Variants in PCM1 observed in about 807,000 individuals in gnomAD.
PCM1 encodes pericentriolar material 1.
PCM1 carries 157 observed loss-of-function variants against 241.9 expected under a neutral mutation model. That is an observed-to-expected ratio of 0.65 (90% CI 0.57 to 0.74). PCM1 has a LOEUF of 0.74. PCM1 is among the 30% of genes least tolerant of loss of function. The probability of loss-of-function intolerance (pLI) is 0.00; values close to 1 mark genes in which losing one functional copy is unlikely to be tolerated. For missense variants in PCM1, 3,478 were observed against 2,360.1 expected (o/e 1.47, Z -9.81); for synonymous variants, 1,085 against 784.9 (o/e 1.38, Z -6.39).
Position 17,964,552 on chromosome 8 carries a change from G to A in PCM1, c.2655-16G>A. On this transcript the variant is annotated splice_polypyrimidine_tract_variant and intron_variant, in intron 17 of 38. Coordinates refer to ENST00000325083, the MANE Select transcript of PCM1 (RefSeq NM_006197.4). ...ATCTCCAGAATGACATCTGTTTTAT[G>A]TCTCTTAATCACTAGAACGATGGCA... is the stretch of plus-strand genomic sequence containing the variant. The A allele has an allele frequency of 6.3e-7, 1 of 1,598,432 alleles. No homozygotes were observed. The highest frequency in any genetic ancestry group is 8.6e-7 in the Non-Finnish European group (1 of 1,169,230).
intron 2 of PCM1, chr8:17,926,381 T>C (rs749953011): frequency 1.3e-5 from 2 of 152,202 alleles, no homozygotes; most frequent in Non-Finnish European, 2.9e-5. Flanking sequence ...ATCAGTACTT[T>C]CATTTTTACG....
intron 22 of PCM1, among the ~76,000 whole-genome samples, chr8:17,970,929 T>A (rs1254675553): frequency 6.6e-6 from 1 of 152,140 alleles, no homozygotes; most frequent in Non-Finnish European, 1.5e-5. Flanking sequence ...AATCCTGTAG[T>A]CTTATTCAGG....
chr8:17,923,224 G>C (rs1001554438), intron 1 of PCM1, 36 bp downstream of exon 1: 1 of 152,496 alleles, frequency 6.6e-6, no homozygotes, highest in East Asian at 1.9e-4. Flanking sequence ...TGGCAACCTA[G>C]GGCGGCGCGC....
intron 30 of PCM1, among the ~76,000 whole-genome samples, chr8:18,006,919 G>A (rs777277958): frequency 2.6e-5 from 4 of 152,106 alleles, no homozygotes; most frequent in Non-Finnish European, 4.4e-5. Context: ...GGAGAAGGTA[G>A]GAGGGCTGAG....
chr8:18,025,334 G>C (rs765569775), intron 36 of PCM1, 27 bp from the exon 37 acceptor site: 3 of 1,149,550 alleles, frequency 2.6e-6, no homozygotes, highest in Non-Finnish European at 3.9e-6. Flanking sequence ...TCTAGAGTAT[G>C]TATTTTTTTT....
At chr8:17,969,234 A>G (rs1179097928) in intron 21 of PCM1, among the ~76,000 whole-genome samples, 1 of 152,130 alleles carries the variant, frequency 6.6e-6, no homozygotes. Flanking sequence ...TGAATGCAGT[A>G]TCTATTTTAT....
intron 5 of PCM1, 105 bp downstream of exon 5, chr8:17,939,114 A>C (rs2061288277): frequency 9.4e-7 from 1 of 1,064,238 alleles, no homozygotes; most frequent in Non-Finnish European, 1.4e-6. Flanking sequence ...AGTTGGGTGG[A>C]ATTAAAGTGC....
chr8:17,948,547 C>T (rs1322523164), intron 7 of PCM1, among the ~76,000 whole-genome samples: 4 of 152,098 alleles, frequency 2.6e-5, no homozygotes, highest in Admixed American at 2.0e-4. Context: ...TTGTGATCTG[C>T]CCGCCTTGGC....
intron 36 of PCM1, among the ~76,000 whole-genome samples, chr8:18,024,693 G>C (rs1363096189): frequency 6.6e-6 from 1 of 152,152 alleles, no homozygotes; most frequent in Non-Finnish European, 1.5e-5. Flanking sequence ...TATGGGCTGT[G>C]AAGATTAATC....
intron 6 of PCM1, among the ~76,000 whole-genome samples, chr8:17,944,840 A>G (rs2299592): frequency 0.18 from 26,633 of 152,072 alleles, 2,792 homozygotes; most frequent in East Asian, 0.32. Context: ...AATTTTGAAA[A>G]TTGAGAATTC....
In PCM1 at chr8:17,935,572, C is replaced by T. The variant is rs769671546; in HGVS notation, c.-22-17C>T. 2.3e-6 allele frequency: 2 copies of T among 880,458 alleles called. No homozygotes were observed. Among genetic ancestry groups the T allele is most frequent in the Non-Finnish European group, 3.8e-6 (2 of 520,296 alleles). The allele number at this position is 880,458 out of a possible 1,614,324, so 54.5% of individuals were successfully genotyped here. ...TTTTTATGTGTTATAAAGCTCAGTTCTTAACTTGTTTCGCAGAGAGTTAAT... is the reference window on the plus strand; with the variant it reads ...TTTTTATGTGTTATAAAGCTCAGTTTTTAACTTGTTTCGCAGAGAGTTAAT... On this transcript the variant is annotated splice_polypyrimidine_tract_variant and intron_variant, in intron 2 of 38. Coordinates refer to ENST00000325083, the MANE Select transcript of PCM1 (RefSeq NM_006197.4).
At chr8:17,971,206 C>T (rs1344965249) in intron 22 of PCM1, among the ~76,000 whole-genome samples, 1 of 152,140 alleles carries the variant, frequency 6.6e-6, no homozygotes, top group Non-Finnish European at 1.5e-5. Context: ...GCTCTCAGGT[C>T]ATATGGAAAC....
At chr8:17,948,939 T>C (rs920214992) in intron 7 of PCM1, among the ~76,000 whole-genome samples, 18 of 152,352 alleles carry the variant, frequency 1.2e-4, no homozygotes, top group African/African-American at 4.3e-4. Context: ...TTCTTATTTC[T>C]GTTTTATAGA....
intron 7 of PCM1, among the ~76,000 whole-genome samples, chr8:17,949,426 G>C (rs910521457): frequency 5.3e-5 from 8 of 151,454 alleles, no homozygotes; most frequent in Admixed American, 5.3e-4. Flanking sequence ...GAAATTCTCA[G>C]TTCTCAGTGG....
intron 10 of PCM1, among the ~76,000 whole-genome samples, 170 bp from the exon 11 acceptor site, chr8:17,956,434 C>G (rs1369703607): frequency 2.6e-5 from 4 of 152,144 alleles, no homozygotes; most frequent in South Asian, 2.1e-4. Context: ...GTAAGCTGTA[C>G]TTGGCATTAA....
intron 23 of PCM1, among the ~76,000 whole-genome samples, chr8:17,975,188 T>G (rs2078303531): frequency 6.6e-6 from 1 of 152,188 alleles, no homozygotes; most frequent in South Asian, 2.1e-4. Flanking sequence ...TTGTTCCTTT[T>G]GTGCTATAGG....
chr8:17,973,220 T>A (rs951009166), intron 23 of PCM1, among the ~76,000 whole-genome samples: 11 of 152,198 alleles, frequency 7.2e-5, no homozygotes, highest in Admixed American at 3.3e-4. Flanking sequence ...AAAATTTTTT[T>A]AAAATTTTCT....
intron 31 of PCM1, among the ~76,000 whole-genome samples, chr8:18,010,074 C>G (rs1197096559): frequency 1.3e-5 from 2 of 152,192 alleles, no homozygotes; most frequent in Admixed American, 6.5e-5. Flanking sequence ...CCTGCCATGT[C>G]TGTTATTGAT....
At chr8:17,962,838 G>A (rs1018153607) in intron 16 of PCM1, 2 of 253,334 alleles carry the variant, frequency 7.9e-6, no homozygotes, top group African/African-American at 4.7e-5. Flanking sequence ...GGGAGGCAGA[G>A]GTTGCAGTGA....
Sources: gnomAD v4.1 joint callset for allele counts (sites outside exome capture counted in the v4.1 genomes callset) on GRCh38, gnomAD v4.1.1 for gene constraint, MANE v1.5 for transcripts, NCBI Gene and HGNC (gene_info 2026-07-23, HGNC 2026-07-21) for gene names.